Variants in DMXL2 observed in about 807,000 individuals in gnomAD.
DMXL2 encodes the protein Dmx like 2, also known as dmX-like protein 2.
A neutral mutation model predicts 331.1 loss-of-function variants in DMXL2; 103 were observed. That is an observed-to-expected ratio of 0.31 (90% CI 0.27 to 0.37). The LOEUF (loss-of-function observed/expected upper bound fraction) is 0.37, where lower values mean the gene tolerates loss of function less well. Ranked by LOEUF, DMXL2 falls within the 10% of genes least tolerant of loss-of-function variation. The probability of loss-of-function intolerance (pLI) is 1.00; values close to 1 mark genes in which losing one functional copy is unlikely to be tolerated. For missense variants in DMXL2, 3,171 were observed against 3,642.9 expected, an observed-to-expected ratio of 0.87 and a Z score of 3.33; for synonymous variants, 1,281 against 1,252.1, an observed-to-expected ratio of 1.02 and a Z score of -0.49.
chr15:51,453,087 A>AG (rs1218811754), intron 41 of DMXL2, among the ~76,000 whole-genome samples: 1 of 148,524 alleles, frequency 6.7e-6, no homozygotes, highest in Non-Finnish European at 1.5e-5. Context: ...GGGGCTTGGG[A>AG]GGGGTGGGAG....
intron 13 of DMXL2, among the ~76,000 whole-genome samples, chr15:51,518,780 C>G (rs761984321): frequency 6.6e-6 from 1 of 152,122 alleles, no homozygotes; most frequent in Non-Finnish European, 1.5e-5. Context: ...CTGCCCACAA[C>G]TCTCTGCCAG....
rs1376557955 is a variant in DMXL2, at chr15:51,505,853, TTTGAG to T, written c.2764+1276_2764+1280del. 7.9e-5 allele frequency among the ~76,000 whole-genome samples: 12 copies of T among 152,360 alleles called. 1 individual carries two copies. Among genetic ancestry groups the T allele is most frequent in the South Asian group, 4.1e-4 (2 of 4,834 alleles). On this transcript the variant is annotated intron_variant, in intron 16 of 43. Transcript: ENST00000560891. ...TAATAAAATCTTACAACTCAAATAT[TTTGAG>T]TTAACAGTTTAAAGCAGATTCAATG...
intron 6 of DMXL2, among the ~76,000 whole-genome samples, chr15:51,556,355 G>GAAAAAAAAAAAAAAAAA (rs59460472): frequency 4.2e-5 from 5 of 118,980 alleles, no homozygotes; most frequent in Non-Finnish European, 8.6e-5. Flanking sequence ...AAAAAAAAAA[G>GAAAAAAAAAAAAAAAAA]AAAAAAAAAA....
intron 1 of DMXL2, among the ~76,000 whole-genome samples, chr15:51,582,779 T>C (rs1157782624): frequency 6.6e-6 from 1 of 152,134 alleles, no homozygotes; most frequent in East Asian, 1.9e-4. Flanking sequence ...ATGTTTAATA[T>C]TAATGTTTTC....
In DMXL2 at chr15:51,499,127, G is replaced by C; in HGVS notation, c.4097C>G (p.Ala1366Gly). Residue 1366 changes from alanine (A) to glycine (G), a missense_variant, in exon 18 of 44, where the codon GCC becomes GGC. Physicochemically the swap from Ala to Gly is moderately conservative, Grantham distance 60. Transcript: ENST00000560891. ...ACATTTTACTAAATGAGAGAGAATG[G>C]CTTTAGCCCTTCGCACTTTCCCTAA... ...MDLGKVRRAK[A>G]ILSHLVKCIA... is the part of the protein sequence containing the mutation. The C allele has an allele frequency of 6.2e-7, 1 of 1,614,060 alleles. No homozygotes were observed. The highest frequency in any genetic ancestry group is 8.5e-7 in the Non-Finnish European group (1 of 1,180,022).
chr15:51,490,693 T>C (rs151031826), intron 20 of DMXL2, among the ~76,000 whole-genome samples: 112 of 152,332 alleles, frequency 7.4e-4, no homozygotes, highest in African/African-American at 2.5e-3. Flanking sequence ...GAAAAGCAAC[T>C]GGCACCAAAC....
intron 1 of DMXL2, among the ~76,000 whole-genome samples, chr15:51,616,206 G>A (rs1455210459): frequency 6.6e-6 from 1 of 152,010 alleles, no homozygotes; most frequent in African/African-American, 2.4e-5. Flanking sequence ...TTATTTAGAG[G>A]GGCCTAACTC....
chr15:51,505,567 C>T (rs770726909), intron 16 of DMXL2, among the ~76,000 whole-genome samples: 6 of 152,184 alleles, frequency 3.9e-5, no homozygotes, highest in Non-Finnish European at 7.3e-5. Flanking sequence ...TTCTATCAAA[C>T]AACATATAAT....
intron 32 of DMXL2, among the ~76,000 whole-genome samples, chr15:51,464,382 AGAGT>A: frequency 1.3e-5 from 2 of 152,356 alleles, no homozygotes; most frequent in African/African-American, 4.8e-5. Flanking sequence ...CCTGGGTGAC[AGAGT>A]GAGACCTTGT....
In DMXL2 at chr15:51,545,717, G is replaced by T; in HGVS notation, c.796C>A (p.Arg266=). The change falls in exon 8 of 44, where the codon CGG becomes AGG. Residue 266 remains arginine (R), a synonymous_variant. Transcript: ENST00000560891. ...GGTAATAAAGTTTCTGCCCAGAGCC[G>T]GCACACACCATCATGACATGAAGTT... ...LLTSCHDGVC[R]LWAETLLPED... 1 of 1,613,314 alleles carries T rather than the reference G, an allele frequency of 6.2e-7. No individual in the cohort carries two copies. The highest frequency in any genetic ancestry group is 8.5e-7 in the Non-Finnish European group (1 of 1,179,536).
chr15:51,492,199 TC>T (rs2042853295), intron 19 of DMXL2, among the ~76,000 whole-genome samples: 1 of 152,188 alleles, frequency 6.6e-6, no homozygotes, highest in African/African-American at 2.4e-5. Context: ...AGGTGTGTTA[TC>T]CCCCACAAGA....
At chr15:51,582,702 T>C (rs1216666224) in intron 1 of DMXL2, among the ~76,000 whole-genome samples, 4 of 152,106 alleles carry the variant, frequency 2.6e-5, no homozygotes, top group Non-Finnish European at 5.9e-5. Context: ...ACGTTCCTGA[T>C]TAAGCAAGAA....
Position 51,482,369 on chromosome 15 carries a change from T to C in DMXL2, c.5483-746A>G, listed in dbSNP as rs531573317. 3.9e-5 allele frequency among the ~76,000 whole-genome samples: 6 copies of C among 152,322 alleles called. No homozygotes were observed. The South Asian group carries it at 1.2e-3, about 32-fold the overall frequency. On this transcript the variant is annotated intron_variant, in intron 23 of 43. Coordinates refer to ENST00000560891, the MANE Select transcript of DMXL2 (RefSeq NM_001378457.1). ...TATGCACATAGATAGCAAATAACTA[T>C]GTTCATGCCATGAGAATCCAAACAT...
chr15:51,474,275 ATT>A, intron 28 of DMXL2, 67 bp downstream of exon 28: 1 of 1,475,186 alleles, frequency 6.8e-7, no homozygotes. Context: ...TTCTTGAAAC[ATT>A]AAAAAAAATT....
rs550282145 is a variant in DMXL2, at chr15:51,485,223, A to T, written c.5482+850T>A. ...GCCCAAAATTCCCAAGTCTTGGGAA[A>T]GAGATAGGCATCTAGGTCCAGGGTG... On this transcript the variant is annotated intron_variant, in intron 23 of 43. Transcript: ENST00000560891. Among the ~76,000 whole-genome samples, 5 of 152,318 alleles carry T rather than the reference A, an allele frequency of 3.3e-5. No homozygotes were observed. In the South Asian group the frequency reaches 1.0e-3, roughly 32 times the overall value.
At chr15:51,541,087 T>C (rs1047924116) in intron 9 of DMXL2, among the ~76,000 whole-genome samples, 79 of 152,260 alleles carry the variant, frequency 5.2e-4, no homozygotes, top group African/African-American at 1.9e-3. Context: ...GGTTAAAAAT[T>C]CATAAAAATC....
chr15:51,481,297 G>A lies in DMXL2; in HGVS notation c.5809C>T (p.His1937Tyr), dbSNP rs1239749745. Residue 1937 changes from histidine (H) to tyrosine (Y), a missense_variant, in exon 24 of 44, where the codon CAT (histidine) becomes TAT (tyrosine). Transcript: ENST00000560891. ...ISHRMDDVPSHSKALSDGNGS... is the reference protein window; with the variant it reads ...ISHRMDDVPSYSKALSDGNGS... ...TTGCCATCACTCAGAGCTTTTGAAT[G>A]TGAAGGTACATCATCCATCCTGTGA... 6.2e-7 allele frequency: 1 copy of A among 1,614,132 alleles called. No homozygotes were observed. The highest frequency in any genetic ancestry group is 8.5e-7 in the Non-Finnish European group (1 of 1,180,006).
chr15:51,482,931 G>A (rs536974191), intron 23 of DMXL2, among the ~76,000 whole-genome samples: 21 of 152,314 alleles, frequency 1.4e-4, no homozygotes, highest in African/African-American at 5.1e-4. Flanking sequence ...CAGGGGAGTG[G>A]AGATGCACCT....
intron 13 of DMXL2, among the ~76,000 whole-genome samples, chr15:51,528,404 C>T (rs2047802710): frequency 6.6e-6 from 1 of 151,566 alleles, no homozygotes; most frequent in Non-Finnish European, 1.5e-5. Context: ...CCAATGGAAA[C>T]CAAAAAAGAG....
Sources: allele counts gnomAD v4.1 joint callset (sites outside exome capture counted in the v4.1 genomes callset), GRCh38; gene constraint gnomAD v4.1.1; transcripts MANE v1.5; gene names NCBI Gene and HGNC (gene_info 2026-07-23, HGNC 2026-07-21).